The following SLC25A42 variants were observed in gnomAD, a reference collection of about 807,000 sequenced individuals.
SLC25A42 encodes the protein solute carrier family 25 member 42.
SLC25A42 carries 19 observed loss-of-function variants against 34.7 expected under a neutral mutation model. That is an observed-to-expected ratio of 0.55 (90% CI 0.38 to 0.80). The LOEUF is 0.80. Among genes scored for constraint, SLC25A42 ranks in the 30% least tolerant of loss-of-function variants. SLC25A42 has a pLI of 0.00. For synonymous variants in SLC25A42, 205 were observed against 191.2 expected, an observed-to-expected ratio of 1.07 and a Z score of -0.59; for missense variants, 364 against 441.3, an observed-to-expected ratio of 0.82 and a Z score of 1.57.
chr19:19,110,476 G>T (rs1191565077), intron 7 of SLC25A42, 93 bp from the exon 8 acceptor site: 2 of 1,071,868 alleles, frequency 1.9e-6, no homozygotes, highest in East Asian at 3.2e-5. Context: ...TGTGCACGCA[G>T]GTTGCTCCTA....
intron 2 of SLC25A42, among the ~76,000 whole-genome samples, chr19:19,099,580 T>C (rs2059783722): frequency 6.6e-6 from 1 of 152,094 alleles, no homozygotes; most frequent in Non-Finnish European, 1.5e-5. Context: ...CACACTGAGC[T>C]GAGCAAACTC....
At chr19:19,090,647 A>AAAC (rs139435874) in intron 1 of SLC25A42, among the ~76,000 whole-genome samples, 1,656 of 151,844 alleles carry the variant, frequency 0.011, 35 homozygotes, top group African/African-American at 0.034. Flanking sequence ...CCCCGTCTCA[A>AAAC]AACAACAACA....
chr19:19,105,470 C>T (rs2059820955), intron 4 of SLC25A42, 91 bp from the exon 5 acceptor site: 1 of 1,493,638 alleles, frequency 6.7e-7, no homozygotes, highest in African/African-American at 1.4e-5. Flanking sequence ...CCCGGCCCCG[C>T]CTCCGCACTT....
chr19:19,071,701 G>A (rs151252424), intron 1 of SLC25A42, among the ~76,000 whole-genome samples: 2,930 of 151,952 alleles, frequency 0.019, 87 homozygotes, highest in African/African-American at 0.067. Context: ...ACCTATCTCT[G>A]CTAAAAATAT....
Position 19,066,720 on chromosome 19 carries a change from G to A in SLC25A42, c.-35+2605G>A, listed in dbSNP as rs148638413. The stretch of plus-strand genomic sequence containing the variant: ...CCTGCCTCGGTCTCCCAAAGTGCTG[G>A]GATTACAGGCGTGAGCCACTGCGCC... On this transcript the variant is annotated intron_variant, in intron 1 of 7. Coordinates refer to ENST00000318596, the MANE Select transcript of SLC25A42 (RefSeq NM_178526.5). 4.3e-3 allele frequency among the ~76,000 whole-genome samples: 655 copies of A among 152,050 alleles called. 7 individuals carry two copies. Among genetic ancestry groups the A allele is most frequent in the African/African-American group, 0.015 (633 of 41,450 alleles).
intron 1 of SLC25A42, among the ~76,000 whole-genome samples, chr19:19,066,857 G>C (rs118005136): frequency 6.6e-6 from 1 of 152,178 alleles, no homozygotes; most frequent in South Asian, 2.1e-4. Context: ...GCCGTGCTCA[G>C]ACACTTCAGA....
At chr19:19,096,044 T>G (rs1410973453) in intron 1 of SLC25A42, 47 bp from the exon 2 acceptor site, 5 of 1,255,042 alleles carry the variant, frequency 4.0e-6, no homozygotes, top group Non-Finnish European at 5.8e-6. Context: ...ACACCCACCA[T>G]CTCTCAGGAT....
intron 2 of SLC25A42, among the ~76,000 whole-genome samples, chr19:19,097,808 C>T (rs1401100539): frequency 2.0e-5 from 3 of 151,984 alleles, no homozygotes; most frequent in Non-Finnish European, 4.4e-5. Flanking sequence ...ACTAAAAATA[C>T]AAAAATCGGC....
At position 19,110,879 on chromosome 19, in the gene SLC25A42, G is replaced by C. The variant is rs780871965; in HGVS notation, c.*3G>C. The C allele has an allele frequency of 1.2e-6, 2 of 1,613,658 alleles. No homozygotes were observed. ...TGCTGCGGCACCTGCAGAGCTAGGG[G>C]ACCCTGAGCTGCTCTCAGGACGGTG... On this transcript the variant is annotated 3_prime_UTR_variant, in exon 8 of 8. Coordinates refer to ENST00000318596, the MANE Select transcript of SLC25A42 (RefSeq NM_178526.5).
chr19:19,070,082 C>A (rs1311831311), intron 1 of SLC25A42, among the ~76,000 whole-genome samples: 1 of 152,130 alleles, frequency 6.6e-6, no homozygotes. Context: ...CAAGCTCCAC[C>A]TCCCAGGTTC....
chr19:19,099,071 C>T (rs991555932), intron 2 of SLC25A42, among the ~76,000 whole-genome samples: 1 of 152,084 alleles, frequency 6.6e-6, no homozygotes, highest in Non-Finnish European at 1.5e-5. Flanking sequence ...GCAGCTGGTC[C>T]GACTGATTCA....
intron 1 of SLC25A42, among the ~76,000 whole-genome samples, chr19:19,092,843 C>T (rs1397143426): frequency 6.6e-6 from 1 of 152,146 alleles, no homozygotes; most frequent in Non-Finnish European, 1.5e-5. Flanking sequence ...GGACAGCCCC[C>T]AGGGTCTGTA....
rs112044312 is a variant in SLC25A42 at position 19,065,035 on chromosome 19, G to A, written c.-35+920G>A. 4.9e-3 allele frequency among the ~76,000 whole-genome samples: 753 copies of A among 152,262 alleles called. 5 individuals are homozygous for A. Among genetic ancestry groups the A allele is most frequent in the African/African-American group, 0.017 (715 of 41,520 alleles). ...CAGAGCCTATTCTACCCTGGGCATC[G>A]CTGACCCTCTGCTGTGGACCCACCG... On this transcript the variant is annotated intron_variant, in intron 1 of 7. Coordinates refer to ENST00000318596, the MANE Select transcript of SLC25A42 (RefSeq NM_178526.5).
At chr19:19,101,654 A>G (rs928356937) in intron 2 of SLC25A42, 127 bp from the exon 3 acceptor site, 24 of 765,182 alleles carry the variant, frequency 3.1e-5, no homozygotes, top group African/African-American at 2.5e-4. Flanking sequence ...AGCAAGGCCA[A>G]CATACTCAGG....
chr19:19,071,201 T>C (rs28374656), intron 1 of SLC25A42, among the ~76,000 whole-genome samples: 3,557 of 152,018 alleles, frequency 0.023, 131 homozygotes, highest in African/African-American at 0.081. Flanking sequence ...GAGACAGGGT[T>C]TCTCCATCCT....
At chr19:19,106,419 C>T (rs750822202) in intron 6 of SLC25A42, 34 bp downstream of exon 6, 22 of 1,555,888 alleles carry the variant, frequency 1.4e-5, no homozygotes, top group Non-Finnish European at 1.8e-5. Flanking sequence ...GCATCAGCCC[C>T]GGGGGCTCTG....
intron 4 of SLC25A42, 193 bp downstream of exon 4, chr19:19,105,131 G>T (rs2059819034): frequency 3.0e-6 from 2 of 658,986 alleles, no homozygotes; most frequent in Non-Finnish European, 5.2e-6. Context: ...TTCCGGCAGT[G>T]GGGTGGGGAG....
chr19:19,094,249 T>C (rs1216642717), intron 1 of SLC25A42, among the ~76,000 whole-genome samples: 1 of 152,238 alleles, frequency 6.6e-6, no homozygotes, highest in Non-Finnish European at 1.5e-5. Context: ...CTGTGCTATT[T>C]GGGAATCCTT....
rs772332647 is a variant in SLC25A42 at position 19,105,658 on chromosome 19, C to G, written c.311C>G (p.Ala104Gly). The G allele has an allele frequency of 3.7e-6, 6 of 1,613,376 alleles. No individual in the cohort carries two copies. The highest frequency in any genetic ancestry group is 3.3e-5 in the Admixed American group (2 of 59,906). Residue 104 changes from alanine (A) to glycine (G), a missense_variant, in exon 5 of 8, where the codon GCC becomes GGC. By Grantham distance (60) the Ala-to-Gly change is moderately conservative. Coordinates refer to ENST00000318596, the MANE Select transcript of SLC25A42 (RefSeq NM_178526.5). ...SATMVRVVPYAAIQFSAHEEY... is the reference protein window; with the variant it reads ...SATMVRVVPYGAIQFSAHEEY... ...ACCATGGTGCGCGTGGTGCCCTACG[C>G]CGCCATCCAGTTCAGCGCACACGAG...
Sources: allele counts gnomAD v4.1 joint callset (sites outside exome capture counted in the v4.1 genomes callset), GRCh38; gene constraint gnomAD v4.1.1; transcripts MANE v1.5; gene names NCBI Gene and HGNC (gene_info 2026-07-23, HGNC 2026-07-21).